CYREN: variants seen among roughly 807,000 people sequenced by gnomAD.
CYREN encodes cell cycle regulator of non-homologous end joining.
A neutral mutation model predicts 9.7 loss-of-function variants in CYREN; 7 were observed. That is an observed-to-expected ratio of 0.72 (90% CI 0.41 to 1.36). The LOEUF is 1.36. Ranked by LOEUF, CYREN falls within the 40% of genes most tolerant of loss-of-function variation. The probability of loss-of-function intolerance (pLI) is 0.01; values close to 1 mark genes in which losing one functional copy is unlikely to be tolerated. For synonymous variants in CYREN, 76 were observed against 77.9 expected, an observed-to-expected ratio of 0.98 and a Z score of 0.13; for missense variants, 215 against 198.1, an observed-to-expected ratio of 1.09 and a Z score of -0.51.
At chr7:135,095,963 C>T (rs1585080064) in intron 2 of CYREN, among the ~76,000 whole-genome samples, 1 of 152,098 alleles carries the variant, frequency 6.6e-6, no homozygotes, top group South Asian at 2.1e-4. Context: ...ATCAGCCTGG[C>T]CAACATGGTG....
At chr7:135,115,320 C>A in intron 2 of CYREN, 1 of 1,118,554 alleles carries the variant, frequency 8.9e-7, no homozygotes, top group Non-Finnish European at 1.3e-6. Context: ...TAATAATGCC[C>A]AATAAGTAAT....
intron 2 of CYREN, among the ~76,000 whole-genome samples, chr7:135,096,902 A>G (rs1822984962): frequency 1.3e-5 from 2 of 152,324 alleles, no homozygotes; most frequent in Non-Finnish European, 2.9e-5. Context: ...TATGCAGAAA[A>G]GAATTTGGGA....
At chr7:135,164,610 G>A (rs1409282369), downstream of CYREN, 3 of 1,614,230 alleles carry the variant, frequency 1.9e-6, no homozygotes, top group South Asian at 1.1e-5. Context: ...CCTGTGGAAT[G>A]AGGACACCAG....
chr7:135,161,777 G>A (rs1829945786), downstream of CYREN, among the ~76,000 whole-genome samples: 2 of 152,172 alleles, frequency 1.3e-5, no homozygotes, highest in South Asian at 4.1e-4. The surrounding 1 kb of genome is among the most constrained non-coding windows in gnomAD (Gnocchi z 4.1). Flanking sequence ...GACCTCCAGA[G>A]CCTTTGACAG....
chr7:135,136,917 G>A lies in CYREN; in HGVS notation n.356+31832C>T, dbSNP rs573308014. On this transcript the variant is annotated intron_variant and non_coding_transcript_variant, in intron 2 of 2. Transcript: ENST00000459937. ...CTCCTTGTATTTGATACAAATATAA[G>A]ATGCTTTACCCAAAGTAAGAGGATT... 1.2e-4 allele frequency among the ~76,000 whole-genome samples: 18 copies of A among 152,102 alleles called. No individual in the cohort carries two copies. In the South Asian group the frequency reaches 3.3e-3, roughly 28 times the overall value.
In CYREN at chr7:135,166,239, C is replaced by T. The variant is rs1042585928; in HGVS notation, c.*372G>A. 5.5e-6 allele frequency: 1 copy of T among 181,828 alleles called. No homozygotes were observed. The highest frequency in any genetic ancestry group is 6.1e-5 in the Admixed American group (1 of 16,422). The allele number at this position is 181,828 out of a possible 1,614,324, so 11.3% of individuals were successfully genotyped here. On this transcript the variant is annotated 3_prime_UTR_variant, in exon 4 of 4. Coordinates refer to ENST00000393114, the MANE Select transcript of CYREN (RefSeq NM_024033.4). Reference sequence around the variant, plus strand: ...CACCTGGCAGTGATCCTTTTCTTTGCAAAGTACTGTCTCTTTGGTTCCAGT... The same window carrying T: ...CACCTGGCAGTGATCCTTTTCTTTGTAAAGTACTGTCTCTTTGGTTCCAGT...
chr7:135,157,848 T>C (rs368158120), intron 2 of CYREN, among the ~76,000 whole-genome samples: 2 of 152,150 alleles, frequency 1.3e-5, no homozygotes, highest in South Asian at 2.1e-4. Flanking sequence ...CATTGCCTGA[T>C]TGTTAATTCA....
At chr7:135,171,690 T>C (rs10954489), upstream of CYREN, among the ~76,000 whole-genome samples, 73,172 of 152,046 alleles carry the variant, frequency 0.48, 17,921 homozygotes, top group South Asian at 0.65. Context: ...TAAAGCCCTT[T>C]CTTCTACAGC....
chr7:135,129,741 T>C (rs780660963), intron 2 of CYREN: 176 of 708,488 alleles, frequency 2.5e-4, no homozygotes, highest in Non-Finnish European at 3.8e-4. Context: ...CCTAATCTTT[T>C]GTCAAGTACA....
intron 2 of CYREN, among the ~76,000 whole-genome samples, chr7:135,123,748 T>C (rs1827469576): frequency 6.6e-6 from 1 of 152,068 alleles, no homozygotes; most frequent in African/African-American, 2.4e-5. Flanking sequence ...TCAACATTCT[T>C]AGAGAAAAAA....
chr7:135,099,882 C>CTTTTTTTTTTTTTTTTTTTTTTT (rs34324217), intron 2 of CYREN: 2 of 62,700 alleles, frequency 3.2e-5, no homozygotes, highest in Non-Finnish European at 5.5e-5. Flanking sequence ...CTGAGTTTCT[C>CTTTTTTTTTTTTTTTTTTTTTTT]TTTTTTTTTT....
intron 3 of CYREN, 108 bp downstream of exon 3, chr7:135,167,624 A>G: frequency 6.6e-7 from 1 of 1,524,086 alleles, no homozygotes; most frequent in Non-Finnish European, 8.8e-7. Context: ...AGGAGGAAGA[A>G]GAGGTAGCCT....
intron 2 of CYREN, among the ~76,000 whole-genome samples, chr7:135,157,004 C>G (rs1829811969): frequency 6.6e-6 from 1 of 152,208 alleles, no homozygotes; most frequent in Non-Finnish European, 1.5e-5. Flanking sequence ...AAGTGTGTTT[C>G]ACCTCCTGCC....
At chr7:135,108,656 C>G (rs559235072) in intron 2 of CYREN, among the ~76,000 whole-genome samples, 2 of 152,238 alleles carry the variant, frequency 1.3e-5, no homozygotes, top group South Asian at 4.1e-4. Context: ...CTTGGAAAAT[C>G]TGATGTTTAT....
At chr7:135,125,060 T>A (rs570721092) in intron 2 of CYREN, among the ~76,000 whole-genome samples, 53 of 151,618 alleles carry the variant, frequency 3.5e-4, no homozygotes, top group Admixed American at 1.3e-3. Flanking sequence ...TAGAGCAGAA[T>A]TGAAGGAGAT....
chr7:135,121,763 G>A (rs1169845681), intron 2 of CYREN, among the ~76,000 whole-genome samples: 1 of 152,128 alleles, frequency 6.6e-6, no homozygotes, highest in African/African-American at 2.4e-5. Context: ...CAGAGAGGAA[G>A]AACAGTGTAG....
chr7:135,151,482 AG>A lies in CYREN; in HGVS notation n.356+17266del, dbSNP rs1489100278. Among the ~76,000 whole-genome samples the A allele has an allele frequency of 1.3e-5, 2 of 152,188 alleles. No homozygotes were observed. Among genetic ancestry groups the A allele is most frequent in the African/African-American group, 4.8e-5 (2 of 41,438 alleles). On this transcript the variant is annotated intron_variant and non_coding_transcript_variant, in intron 2 of 2. Coordinates refer to the CYREN transcript ENST00000459937. This position sits in a 1 kb window ranked among gnomAD's most constrained non-coding sequence, Gnocchi z 4.3. The stretch of plus-strand genomic sequence containing the variant: ...TGCGCCCTTGTTCTATGCCCTGGCA[AG>A]CTCTGTTGCCCCGGCTTTATTCTGC...
chr7:135,094,682 A>G (rs971967216), intron 2 of CYREN: 1 of 364,812 alleles, frequency 2.7e-6, no homozygotes, highest in Admixed American at 3.7e-5. Context: ...AAAAGGAGAA[A>G]ATCAATAGGT....
chr7:135,108,838 C>G (rs1585164326), intron 2 of CYREN, among the ~76,000 whole-genome samples: 1 of 152,250 alleles, frequency 6.6e-6, no homozygotes, highest in East Asian at 1.9e-4. Flanking sequence ...TAAATTTGGC[C>G]TCTTTACATA....
Sources: gnomAD v4.1 joint callset for allele counts (sites outside exome capture counted in the v4.1 genomes callset) on GRCh38, gnomAD v4.1.1 for gene constraint, Gnocchi (gnomAD v3.1) non-coding constraint, MANE v1.5 for transcripts, NCBI Gene and HGNC (gene_info 2026-07-23, HGNC 2026-07-21) for gene names.